Variants in KANK4 observed in about 807,000 individuals in gnomAD.
KANK4 encodes KN motif and ankyrin repeat domain-containing protein 4.
In KANK4, 50 loss-of-function variants were observed where a neutral mutation model predicts 80.8. That is an observed-to-expected ratio of 0.62 (90% CI 0.49 to 0.78). The LOEUF (loss-of-function observed/expected upper bound fraction) is 0.78. Ranked by LOEUF, KANK4 falls within the 30% of genes least tolerant of loss-of-function variation. The pLI is 0.00. For missense variants in KANK4, 1,196 were observed against 1,240.1 expected (o/e 0.96, Z 0.53); for synonymous variants, 465 against 506.9 (o/e 0.92, Z 1.11).
chr1:62,278,320 T>TCTTTCTTTCCTTCCTTCCTTCCTTC (rs1420040026), intron 2 of KANK4, among the ~76,000 whole-genome samples: 1 of 60,530 alleles, frequency 1.7e-5, no homozygotes, highest in African/African-American at 5.5e-5. Flanking sequence ...ACATTTTCTT[T>TCTTTCTTTCCTTCCTTCCTTCCTTC]CTTCCTTCCT....
intron 1 of KANK4, among the ~76,000 whole-genome samples, chr1:62,283,098 A>C (rs937707728): frequency 4.6e-5 from 7 of 152,144 alleles, no homozygotes; most frequent in Non-Finnish European, 1.0e-4. Context: ...CTCTCTCACC[A>C]CCCCAGCTCT....
chr1:62,268,167 TAAAC>T, intron 5 of KANK4, 116 bp downstream of exon 5: 1 of 815,992 alleles, frequency 1.2e-6, no homozygotes, highest in Non-Finnish European at 2.0e-6. Flanking sequence ...AACAGAGACT[TAAAC>T]AACACTGGCA....
chr1:62,275,116 A>AG, intron 2 of KANK4, 29 bp from the exon 3 acceptor site: 2 of 1,538,500 alleles, frequency 1.3e-6, no homozygotes, highest in Non-Finnish European at 1.8e-6. Flanking sequence ...GTTAAAAAAA[A>AG]AAAGCACAAA....
At chr1:62,312,915 A>C (rs908748622) in intron 1 of KANK4, among the ~76,000 whole-genome samples, 1 of 152,210 alleles carries the variant, frequency 6.6e-6, no homozygotes, top group Non-Finnish European at 1.5e-5. Flanking sequence ...CACGGTATCA[A>C]CTGCCTCAAG....
intron 8 of KANK4, among the ~76,000 whole-genome samples, chr1:62,249,163 C>A (rs1483428017): frequency 7.1e-4 from 97 of 136,334 alleles, no homozygotes; most frequent in Middle Eastern, 3.7e-3. Context: ...AAATCTGTCT[C>A]AAAAAAAAAA....
At position 62,253,089 on chromosome 1, in the gene KANK4, T is replaced by C. The variant is rs1057386990; in HGVS notation, c.2660A>G (p.Asn887Ser). 6.2e-7 allele frequency: 1 copy of C among 1,614,020 alleles called. No individual in the cohort carries two copies. Among genetic ancestry groups the C allele is most frequent in the African/African-American group, 1.3e-5 (1 of 75,062 alleles). The change falls in exon 8 of 10, where the codon AAT becomes AGT. Residue 887 changes from asparagine (N) to serine (S), a missense_variant. Physicochemically the swap from Asn to Ser is conservative, Grantham distance 46. Transcript: ENST00000371153. ...CACCTGAGTAGCTTGAATGTTCACA[T>C]TTCCTTCTCTTAAGAGCTTCCAGAC... The part of the protein sequence containing the change: ...AVVWKLLREG[N>S]VNIQATQGGQ...
chr1:62,255,267 A>G (rs1027026539), intron 7 of KANK4, among the ~76,000 whole-genome samples: 1 of 152,180 alleles, frequency 6.6e-6, no homozygotes, highest in Non-Finnish European at 1.5e-5. Context: ...ATATGTATCC[A>G]TATTCCTCCC....
chr1:62,282,699 T>C (rs1369826519), intron 1 of KANK4, among the ~76,000 whole-genome samples: 1 of 152,222 alleles, frequency 6.6e-6, no homozygotes, highest in Admixed American at 6.5e-5. Flanking sequence ...TAGCATCACT[T>C]CTTCCTGCGA....
At chr1:62,316,281 G>A (rs112879183) in intron 1 of KANK4, among the ~76,000 whole-genome samples, 3,275 of 152,230 alleles carry the variant, frequency 0.022, 119 homozygotes, top group African/African-American at 0.075. Flanking sequence ...CCAGGGAGAG[G>A]GCCCATCTGT....
intron 1 of KANK4, among the ~76,000 whole-genome samples, chr1:62,318,833 G>A (rs903701886): frequency 6.6e-6 from 1 of 152,216 alleles, no homozygotes; most frequent in Admixed American, 6.5e-5. Flanking sequence ...GGCTGGAAAG[G>A]GAGCGGCGCC....
chr1:62,251,617 C>T (rs1236457612), intron 8 of KANK4, among the ~76,000 whole-genome samples: 2 of 152,280 alleles, frequency 1.3e-5, no homozygotes, highest in African/African-American at 4.8e-5. Flanking sequence ...TGAATAGAGA[C>T]ATTCCAACCC....
At chr1:62,299,342 G>C (rs1463884436) in intron 1 of KANK4, among the ~76,000 whole-genome samples, 2 of 152,176 alleles carry the variant, frequency 1.3e-5, no homozygotes, top group Admixed American at 6.5e-5. Context: ...TTACAGGCAT[G>C]AGTGACACAC....
chr1:62,246,878 A>G (rs752336815), intron 9 of KANK4, among the ~76,000 whole-genome samples: 1 of 151,784 alleles, frequency 6.6e-6, no homozygotes, highest in Non-Finnish European at 1.5e-5. Context: ...CTCCTGCCTC[A>G]GCCTCCTGAG....
chr1:62,279,198 G>GCACACACA (rs10560623), intron 2 of KANK4, among the ~76,000 whole-genome samples: 3,069 of 145,688 alleles, frequency 0.021, 34 homozygotes, highest in East Asian at 0.046. Context: ...GCTAGCGCGC[G>GCACACACA]CACACACACA....
intron 9 of KANK4, among the ~76,000 whole-genome samples, chr1:62,246,562 A>T (rs1671470854): frequency 6.6e-6 from 1 of 151,812 alleles, no homozygotes; most frequent in South Asian, 2.1e-4. Context: ...CGGCTCTAAG[A>T]CTCCAAACAT....
chr1:62,238,031 G>A lies in KANK4; in HGVS notation c.*246C>T, dbSNP rs1388375889. 4.7e-6 allele frequency: 2 copies of A among 421,312 alleles called. No individual in the cohort carries two copies. Among genetic ancestry groups the A allele is most frequent in the Admixed American group, 3.7e-5 (1 of 26,868 alleles). The allele number at this position is 421,312 out of a possible 1,614,324, so 26.1% of individuals were successfully genotyped here. A position where few individuals can be genotyped will look rare whatever the true frequency, so the allele number is the denominator to read the frequency against. On this transcript the variant is annotated 3_prime_UTR_variant, in exon 10 of 10. Coordinates refer to ENST00000371153, the MANE Select transcript of KANK4 (RefSeq NM_181712.5). ...TTTTGGATGTTTGGATGACACCGAC[G>A]TACCCCTCACCTTGCACCTTGAACC... is the stretch of plus-strand genomic sequence containing the variant.
At chr1:62,275,996 AAAGGGCCAAT>A (rs529653597) in intron 2 of KANK4, among the ~76,000 whole-genome samples, 3 of 152,040 alleles carry the variant, frequency 2.0e-5, no homozygotes, top group African/African-American at 7.2e-5. Flanking sequence ...AAAGGTGGTA[AAAGGGCCAAT>A]TAATGTCAAA....
At chr1:62,302,293 G>A (rs1041755660) in intron 1 of KANK4, among the ~76,000 whole-genome samples, 1 of 152,018 alleles carries the variant, frequency 6.6e-6, no homozygotes, top group African/African-American at 2.4e-5. Flanking sequence ...GGAAGAAGCC[G>A]AGGGAGAAGG....
intron 1 of KANK4, among the ~76,000 whole-genome samples, chr1:62,290,248 C>T (rs1178826768): frequency 6.6e-6 from 1 of 152,130 alleles, no homozygotes; most frequent in Non-Finnish European, 1.5e-5. Flanking sequence ...TGACTTGCAC[C>T]TTATTTTCCA....
Sources: allele counts gnomAD v4.1 joint callset (sites outside exome capture counted in the v4.1 genomes callset), GRCh38; gene constraint gnomAD v4.1.1; transcripts MANE v1.5; gene names NCBI Gene and HGNC (gene_info 2026-07-23, HGNC 2026-07-21).